NDUFS4: variants seen among roughly 807,000 people sequenced by gnomAD.
The protein encoded by NDUFS4 is NADH:ubiquinone oxidoreductase subunit S4, also known as NADH dehydrogenase [ubiquinone] iron-sulfur protein 4, mitochondrial.
A neutral mutation model predicts 24.3 loss-of-function variants in NDUFS4; 28 were observed. The observed-to-expected ratio is 1.15, with a 90% CI of 0.85 to 1.58. The LOEUF (loss-of-function observed/expected upper bound fraction) is 1.58, where lower values mean the gene tolerates loss of function less well. Among genes scored for constraint, NDUFS4 ranks in the 40% most tolerant of loss-of-function variants. The pLI is 0.00. For synonymous variants in NDUFS4, 93 were observed against 69.7 expected (o/e 1.34, Z -1.67); for missense variants, 223 against 207.9 (o/e 1.07, Z -0.45).
At chr5:53,636,270 C>T (rs1210480703) in intron 2 of NDUFS4, among the ~76,000 whole-genome samples, 1 of 152,178 alleles carries the variant, frequency 6.6e-6, no homozygotes. Context: ...CAAAGGTTGT[C>T]TACACATGAG....
chr5:53,680,568 C>T (rs1023141018), intron 4 of NDUFS4, among the ~76,000 whole-genome samples: 1 of 152,076 alleles, frequency 6.6e-6, no homozygotes, highest in Non-Finnish European at 1.5e-5. Flanking sequence ...AATTGGAAAT[C>T]ATCATTCTCA....
At chr5:53,647,687 T>C (rs1331819108) in intron 3 of NDUFS4, among the ~76,000 whole-genome samples, 1 of 152,098 alleles carries the variant, frequency 6.6e-6, no homozygotes, top group East Asian at 1.9e-4. Flanking sequence ...AGCTAGAAAA[T>C]TGTCATTCGT....
At chr5:53,580,114 A>G (rs1381134092) in intron 1 of NDUFS4, among the ~76,000 whole-genome samples, 2 of 152,190 alleles carry the variant, frequency 1.3e-5, no homozygotes, top group Non-Finnish European at 1.5e-5. Context: ...TAGGAAACTA[A>G]TATACTCTCC....
intron 2 of NDUFS4, among the ~76,000 whole-genome samples, chr5:53,640,531 C>T (rs1161615268): frequency 3.3e-5 from 5 of 152,054 alleles, no homozygotes; most frequent in African/African-American, 9.7e-5. Context: ...GAAGGTGAAC[C>T]GACTTGTGCA....
intron 4 of NDUFS4, among the ~76,000 whole-genome samples, chr5:53,675,157 C>CTTTTT (rs70983372): frequency 1.5e-4 from 15 of 102,966 alleles, no homozygotes; most frequent in South Asian, 3.7e-4. Flanking sequence ...AACAGAGTTC[C>CTTTTT]TTTTTTTTTT....
intron 1 of NDUFS4, among the ~76,000 whole-genome samples, chr5:53,575,530 C>CTTTTTT (rs36051026): frequency 1.3e-5 from 1 of 76,118 alleles, no homozygotes; most frequent in Non-Finnish European, 2.2e-5. Context: ...TGATCAGATT[C>CTTTTTT]TTTTTTTTTT....
chr5:53,673,539 G>A (rs1217459384), intron 4 of NDUFS4, among the ~76,000 whole-genome samples: 1 of 151,950 alleles, frequency 6.6e-6, no homozygotes, highest in Non-Finnish European at 1.5e-5. Context: ...AAATATAGAA[G>A]GTAATATGAT....
At chr5:53,634,552 G>GGTTCT (rs905044277) in intron 2 of NDUFS4, among the ~76,000 whole-genome samples, 3 of 152,034 alleles carry the variant, frequency 2.0e-5, no homozygotes, top group Non-Finnish European at 2.9e-5. Flanking sequence ...ATAATAGATT[G>GGTTCT]GTTCTGTTCT....
chr5:53,627,252 G>A (rs1236927316), intron 2 of NDUFS4, among the ~76,000 whole-genome samples: 3 of 152,058 alleles, frequency 2.0e-5, no homozygotes, highest in Non-Finnish European at 4.4e-5. Context: ...ATCTGTTTTG[G>A]TACCAGTACC....
intron 2 of NDUFS4, among the ~76,000 whole-genome samples, chr5:53,640,846 A>G (rs538551588): frequency 6.6e-6 from 1 of 152,248 alleles, no homozygotes; most frequent in South Asian, 2.1e-4. Context: ...CCAGTTTCCC[A>G]TGGAATATGA....
chr5:53,628,145 G>T (rs1439534661), intron 2 of NDUFS4, among the ~76,000 whole-genome samples: 5 of 152,104 alleles, frequency 3.3e-5, no homozygotes, highest in Non-Finnish European at 7.4e-5. Flanking sequence ...TAATCATGTG[G>T]TTTTTGTCAT....
At chr5:53,660,529 T>G (rs1351050159) in intron 4 of NDUFS4, among the ~76,000 whole-genome samples, 5 of 152,168 alleles carry the variant, frequency 3.3e-5, no homozygotes, top group African/African-American at 1.2e-4. Context: ...ATGGGATTGC[T>G]GGGTCAAATG....
At chr5:53,562,276 G>A (rs553108739) in intron 1 of NDUFS4, among the ~76,000 whole-genome samples, 7 of 152,094 alleles carry the variant, frequency 4.6e-5, no homozygotes, top group South Asian at 2.1e-4. Context: ...TTAATATAGC[G>A]GTGACCAAGA....
At chr5:53,614,850 T>C (rs758689672) in intron 2 of NDUFS4, among the ~76,000 whole-genome samples, 4 of 151,954 alleles carry the variant, frequency 2.6e-5, no homozygotes, top group Non-Finnish European at 2.9e-5. Context: ...CTCAAGAAAA[T>C]AGAATTGATA....
chr5:53,601,306 CAT>C lies in NDUFS4; in HGVS notation c.99-2145_99-2144del, dbSNP rs374644502. ...GCATGAGCCACCGCGCCCGGCTACACATGTTTACAAAAGATGTTATATAACTT... is the reference window on the plus strand; with the variant it reads ...GCATGAGCCACCGCGCCCGGCTACACGTTTACAAAAGATGTTATATAACTT... On this transcript the variant is annotated intron_variant, in intron 1 of 4. Coordinates refer to ENST00000296684, the MANE Select transcript of NDUFS4 (RefSeq NM_002495.4). Among the ~76,000 whole-genome samples, 720 of 152,148 alleles carry C rather than the reference CAT, an allele frequency of 4.7e-3. 9 individuals carry two copies. Among genetic ancestry groups the C allele is most frequent in the African/African-American group, 0.016 (657 of 41,522 alleles).
intron 2 of NDUFS4, among the ~76,000 whole-genome samples, chr5:53,623,806 C>T (rs1223370293): frequency 6.6e-6 from 1 of 152,132 alleles, no homozygotes; most frequent in Admixed American, 6.5e-5. Flanking sequence ...ACAACCTCTG[C>T]CTCCCGGGAT....
chr5:53,656,056 G>A (rs1752154070), intron 3 of NDUFS4, among the ~76,000 whole-genome samples: 1 of 151,966 alleles, frequency 6.6e-6, no homozygotes, highest in African/African-American at 2.4e-5. Context: ...TCCGTCTCCA[G>A]GCTCCTTGCA....
chr5:53,622,839 T>C (rs567859894), intron 2 of NDUFS4, among the ~76,000 whole-genome samples: 1 of 152,304 alleles, frequency 6.6e-6, no homozygotes, highest in Non-Finnish European at 1.5e-5. Context: ...CGGAGCTTTT[T>C]CATCATCCCG....
chr5:53,671,338 G>A (rs1021550296), intron 4 of NDUFS4, among the ~76,000 whole-genome samples: 2 of 151,984 alleles, frequency 1.3e-5, no homozygotes, highest in African/African-American at 4.8e-5. Context: ...ATGGAAGGCT[G>A]GTGTTCTGAA....
Sources: gnomAD v4.1 joint callset for allele counts (sites outside exome capture counted in the v4.1 genomes callset) on GRCh38, gnomAD v4.1.1 for gene constraint, MANE v1.5 for transcripts, NCBI Gene and HGNC (gene_info 2026-07-23, HGNC 2026-07-21) for gene names.